TAS1R1: variants seen among roughly 807,000 people sequenced by gnomAD.
TAS1R1 encodes taste 1 receptor member 1.
TAS1R1 carries 31 observed loss-of-function variants against 45.8 expected under a neutral mutation model. That is an observed-to-expected ratio of 0.68 (90% CI 0.51 to 0.91). The LOEUF is 0.91. TAS1R1 is among the 40% of genes least tolerant of loss of function. TAS1R1 has a pLI of 0.00. For missense variants in TAS1R1, 1,051 were observed against 1,063.9 expected, an observed-to-expected ratio of 0.99 and a Z score of 0.17; for synonymous variants, 437 against 448.4, an observed-to-expected ratio of 0.97 and a Z score of 0.32.
chr1:6,570,166 T>C (rs1557805673), intron 1 of TAS1R1, among the ~76,000 whole-genome samples: 1 of 152,100 alleles, frequency 6.6e-6, no homozygotes, highest in Non-Finnish European at 1.5e-5. Flanking sequence ...AGCAAGTTTA[T>C]TAACCTGCTG....
At chr1:6,561,106 T>G (rs917704481) in intron 1 of TAS1R1, among the ~76,000 whole-genome samples, 2 of 151,718 alleles carry the variant, frequency 1.3e-5, no homozygotes, top group African/African-American at 4.8e-5. Flanking sequence ...TCTAATATGG[T>G]CCTGTAAAAA....
At chr1:6,566,184 A>G (rs1639869297) in intron 1 of TAS1R1, among the ~76,000 whole-genome samples, 1 of 152,204 alleles carries the variant, frequency 6.6e-6, no homozygotes, top group South Asian at 2.1e-4. Context: ...GCCCAAAGAA[A>G]TGAGGACCAT....
chr1:6,578,909 C>A lies in TAS1R1; in HGVS notation c.1851C>A (p.Gly617=). The change falls in exon 6 of 6, where the codon GGC becomes GGA. Residue 617 remains glycine, a synonymous_variant. Transcript: ENST00000333172. ...TGGGCTCCCTGGCAGCAGGTAGTGG[C>A]AGCCTCTATGGCTTCTTTGGGGAAC... The part of the protein sequence containing the change: ...LMLGSLAAGS[G]SLYGFFGEPT... 1 of 1,611,996 alleles carries A rather than the reference C, an allele frequency of 6.2e-7. No individual in the cohort carries two copies. Among genetic ancestry groups the A allele is most frequent in the Non-Finnish European group, 8.5e-7 (1 of 1,178,634 alleles).
At position 6,562,736 on chromosome 1, in the gene TAS1R1, A is replaced by G. The variant is rs143322229; in HGVS notation, c.191+7172A>G. Among the ~76,000 whole-genome samples, 1,465 of 152,298 alleles carry G rather than the reference A, an allele frequency of 9.6e-3. 23 individuals carry two copies. The highest frequency in any genetic ancestry group is 0.033 in the African/African-American group (1,392 of 41,566). ...GGGGCAATGTCAATTTTGGGGCTTA[A>G]GAAGACTAGGGTGCAGGTGCCAGTC... On this transcript the variant is annotated intron_variant, in intron 1 of 5. Coordinates refer to ENST00000333172, the MANE Select transcript of TAS1R1 (RefSeq NM_138697.4).
chr1:6,559,725 T>C (rs1189623757), intron 1 of TAS1R1, among the ~76,000 whole-genome samples: 1 of 149,944 alleles, frequency 6.7e-6, no homozygotes. Flanking sequence ...CCTAGTACTT[T>C]GGGAGGCTGA....
At chr1:6,576,304 G>A in intron 3 of TAS1R1, 111 bp from the exon 4 acceptor site, 1 of 1,014,662 alleles carries the variant, frequency 9.9e-7, no homozygotes, top group Non-Finnish European at 1.5e-6. Context: ...AGACCTTCCT[G>A]ATGGGCTGAA....
chr1:6,560,161 G>A (rs1249025108), intron 1 of TAS1R1, among the ~76,000 whole-genome samples: 1 of 151,972 alleles, frequency 6.6e-6, no homozygotes, highest in African/African-American at 2.4e-5. Context: ...GCCAGGCATG[G>A]TGGTGTATGC....
chr1:6,562,493 A>C (rs993737539), intron 1 of TAS1R1, among the ~76,000 whole-genome samples: 2 of 152,046 alleles, frequency 1.3e-5, no homozygotes, highest in Admixed American at 6.6e-5. Context: ...TAGACCCTGG[A>C]CCCTGGGCAT....
rs751521830 is a variant in TAS1R1 at position 6,575,301 on chromosome 1, A to G, written c.1169A>G (p.Tyr390Cys). The change falls in exon 3 of 6, where the codon TAC (tyrosine) becomes TGC (cysteine). Residue 390 changes from tyrosine to cysteine, a missense_variant. Physicochemically the swap from Tyr to Cys is radical, Grantham distance 194 (BLOSUM62 -2). Transcript: ENST00000333172. ...TCCATGAGTTCTGCCTACAACGCATACCGGGCTGTGTATGCGGTGGCCCAT... is the reference window on the plus strand; with the variant it reads ...TCCATGAGTTCTGCCTACAACGCATGCCGGGCTGTGTATGCGGTGGCCCAT... ...AFSMSSAYNA[Y>C]RAVYAVAHGL... 1 of 1,612,966 alleles carries G rather than the reference A, an allele frequency of 6.2e-7. No homozygotes were observed. The highest frequency in any genetic ancestry group is 1.1e-5 in the South Asian group (1 of 91,072).
chr1:6,570,022 GGGGAGAGAGA>G (rs1639970151), intron 1 of TAS1R1, among the ~76,000 whole-genome samples: 1 of 6,270 alleles, frequency 1.6e-4, no homozygotes, highest in Non-Finnish European at 7.5e-4. Flanking sequence ...AGGGAGGGAG[GGGGAGAGAGA>G]GAGAGAGAGA....
chr1:6,565,427 C>A (rs1022851565), intron 1 of TAS1R1, among the ~76,000 whole-genome samples: 9 of 151,874 alleles, frequency 5.9e-5, no homozygotes, highest in Non-Finnish European at 1.2e-4. Flanking sequence ...GGCAAGTTGG[C>A]CATCCTCGAG....
At position 6,574,082 on chromosome 1, in the gene TAS1R1, C is replaced by T. The variant is rs982252965; in HGVS notation, c.499-549C>T. Among the ~76,000 whole-genome samples, 1 of 152,196 alleles carries T rather than the reference C, an allele frequency of 6.6e-6. No homozygotes were observed. Among genetic ancestry groups the T allele is most frequent in the South Asian group, 2.1e-4 (1 of 4,836 alleles). On this transcript the variant is annotated intron_variant, in intron 2 of 5. Coordinates refer to ENST00000333172, the MANE Select transcript of TAS1R1 (RefSeq NM_138697.4). The surrounding 1 kb of genome is among the most constrained non-coding windows in gnomAD (Gnocchi z 4.3). Reference sequence around the variant, plus strand: ...ATCTGGGGGTGATGGGAGACAGTGACAGATCATCAGACATTAGATTCTCAT... The same window carrying T: ...ATCTGGGGGTGATGGGAGACAGTGATAGATCATCAGACATTAGATTCTCAT...
intron 1 of TAS1R1, among the ~76,000 whole-genome samples, chr1:6,556,794 A>C (rs1277322190): frequency 2.0e-5 from 3 of 151,820 alleles, no homozygotes; most frequent in African/African-American, 4.8e-5. Flanking sequence ...GCGGATCACG[A>C]GGTCAGGAGT....
chr1:6,560,692 G>C (rs1474024791), intron 1 of TAS1R1, among the ~76,000 whole-genome samples: 3 of 152,088 alleles, frequency 2.0e-5, no homozygotes, highest in Admixed American at 1.3e-4. Flanking sequence ...GCTAAAGAGG[G>C]GCAATGTTGG....
chr1:6,578,783 G>A lies in TAS1R1; in HGVS notation c.1725G>A (p.Thr575=), dbSNP rs756356357. The change falls in exon 6 of 6, where the codon ACG becomes ACA. Residue 575 remains threonine (T), a synonymous_variant. Coordinates refer to ENST00000333172, the MANE Select transcript of TAS1R1 (RefSeq NM_138697.4). ...HTSWVLLAAN[T]LLLLLLLGTA... ...CTTGGGTGCTGCTGGCAGCTAACAC[G>A]CTGCTGCTGCTGCTGCTGCTTGGGA... The A allele has an allele frequency of 3.2e-6, 5 of 1,583,196 alleles. No homozygotes were observed. The highest frequency in any genetic ancestry group is 2.3e-5 in the South Asian group (2 of 88,162).
chr1:6,562,599 C>T (rs1383146018), intron 1 of TAS1R1, among the ~76,000 whole-genome samples: 1 of 152,216 alleles, frequency 6.6e-6, no homozygotes, highest in Admixed American at 6.5e-5. Context: ...AGCCTGCTAT[C>T]CTTGTTCCTG....
At chr1:6,562,508 C>T (rs1035914668) in intron 1 of TAS1R1, among the ~76,000 whole-genome samples, 44 of 152,262 alleles carry the variant, frequency 2.9e-4, no homozygotes, top group African/African-American at 1.1e-3. Context: ...GGGCATGTTC[C>T]AAGACTCTTT....
intron 1 of TAS1R1, among the ~76,000 whole-genome samples, chr1:6,565,776 G>A (rs893966921): frequency 2.0e-5 from 3 of 152,320 alleles, no homozygotes; most frequent in Admixed American, 2.0e-4. Flanking sequence ...GAAGAATTTA[G>A]AGGCCCATTT....
rs1366306268 is a variant in TAS1R1 at position 6,579,261 on chromosome 1, A to G, written c.2203A>G (p.Asn735Asp). Residue 735 changes from asparagine to aspartate, a missense_variant, in exon 6 of 6, where the codon AAT becomes GAT. Transcript: ENST00000333172. ...SLGFILAFLY[N>D]GLLSISAFAC... ...GGGCTTCATACTGGCCTTCCTCTAC[A>G]ATGGCCTCCTCTCCATCAGTGCCTT... The G allele has an allele frequency of 2.5e-6, 4 of 1,614,156 alleles. No homozygotes were observed. Among genetic ancestry groups the G allele is most frequent in the Non-Finnish European group, 2.5e-6 (3 of 1,180,034 alleles).
Sources: allele counts gnomAD v4.1 joint callset (sites outside exome capture counted in the v4.1 genomes callset), GRCh38; gene constraint gnomAD v4.1.1; non-coding constraint Gnocchi (gnomAD v3.1); transcripts MANE v1.5; gene names NCBI Gene and HGNC (gene_info 2026-07-23, HGNC 2026-07-21).